The following CA10 variants were observed in gnomAD, a reference collection of about 807,000 sequenced individuals.
CA10 encodes carbonic anhydrase 10 (inactive).
A neutral mutation model predicts 44.2 loss-of-function variants in CA10; 14 were observed. The ratio of observed to expected loss-of-function variants is 0.32; its 90% CI spans 0.21 to 0.50. The LOEUF (loss-of-function observed/expected upper bound fraction) is 0.50. Among genes scored for constraint, CA10 ranks in the 20% least tolerant of loss-of-function variants. CA10 has a pLI of 0.99. For synonymous variants in CA10, 159 were observed against 141.6 expected, an observed-to-expected ratio of 1.12 and a Z score of -0.87; for missense variants, 350 against 409.7, an observed-to-expected ratio of 0.85 and a Z score of 1.26.
At chr17:52,040,827 G>A (rs1986747847) in intron 2 of CA10, among the ~76,000 whole-genome samples, 1 of 152,060 alleles carries the variant, frequency 6.6e-6, no homozygotes, top group Non-Finnish European at 1.5e-5. Context: ...GAAATGTGCA[G>A]ATGGGTCTTT....
At chr17:51,954,327 C>T (rs1983588371) in intron 2 of CA10, among the ~76,000 whole-genome samples, 1 of 152,142 alleles carries the variant, frequency 6.6e-6, no homozygotes. Context: ...TTTATGCCTC[C>T]CTTGAAATGC....
chr17:52,082,128 T>A (rs888677280), intron 1 of CA10, among the ~76,000 whole-genome samples: 3 of 152,230 alleles, frequency 2.0e-5, no homozygotes, highest in Non-Finnish European at 4.4e-5. Context: ...GTAGGTACAC[T>A]GGCACAGTGT....
chr17:51,912,806 T>C (rs913628357), intron 3 of CA10, among the ~76,000 whole-genome samples: 3 of 152,220 alleles, frequency 2.0e-5, no homozygotes, highest in Non-Finnish European at 4.4e-5. Flanking sequence ...ATATACTCCA[T>C]GCAGTACAAT....
intron 2 of CA10, among the ~76,000 whole-genome samples, chr17:51,957,546 A>G (rs1032102940): frequency 1.3e-5 from 2 of 152,116 alleles, no homozygotes; most frequent in African/African-American, 4.8e-5. Context: ...GGTGGATGCA[A>G]GTGAAGGCCA....
chr17:51,651,260 A>G (rs1254516669), intron 5 of CA10, among the ~76,000 whole-genome samples: 2 of 152,178 alleles, frequency 1.3e-5, no homozygotes, highest in Non-Finnish European at 2.9e-5. Flanking sequence ...AGCTTTGTTC[A>G]TCTTACTTCT....
At chr17:51,912,586 G>A (rs959452228) in intron 3 of CA10, among the ~76,000 whole-genome samples, 28 of 152,286 alleles carry the variant, frequency 1.8e-4, no homozygotes, top group African/African-American at 4.8e-4. Context: ...AAGCTAAAAC[G>A]TCCTAAGCCT....
intron 1 of CA10, among the ~76,000 whole-genome samples, chr17:52,156,654 T>C (rs1989810090): frequency 6.6e-6 from 1 of 152,196 alleles, no homozygotes; most frequent in Non-Finnish European, 1.5e-5. Flanking sequence ...TCCACCCCAG[T>C]GCTGCTTAAA....
intron 2 of CA10, among the ~76,000 whole-genome samples, chr17:51,956,640 C>T (rs1462676789): frequency 6.6e-6 from 1 of 152,082 alleles, no homozygotes; most frequent in Non-Finnish European, 1.5e-5. Flanking sequence ...TGGATTGATC[C>T]ATTAACTATG....
chr17:51,745,739 C>G (rs778318226), intron 4 of CA10, among the ~76,000 whole-genome samples: 24 of 152,158 alleles, frequency 1.6e-4, no homozygotes, highest in Non-Finnish European at 3.1e-4. Flanking sequence ...TAGTAAACAT[C>G]TACATTTTAT....
chr17:51,849,871 A>G (rs1978711844), intron 3 of CA10, among the ~76,000 whole-genome samples: 1 of 152,154 alleles, frequency 6.6e-6, no homozygotes, highest in Admixed American at 6.5e-5. Context: ...CTTTGCATGA[A>G]TACCCCATAA....
upstream of CA10, chr17:52,158,727 C>G (rs1458093315): frequency 6.6e-6 from 1 of 152,448 alleles, no homozygotes; most frequent in African/African-American, 2.4e-5. Flanking sequence ...CTGCAGGGGT[C>G]GTTATTTCCT....
At chr17:52,090,848 T>C (rs1988239557) in intron 1 of CA10, among the ~76,000 whole-genome samples, 2 of 152,168 alleles carry the variant, frequency 1.3e-5, no homozygotes, top group Admixed American at 1.3e-4. Flanking sequence ...CTATGTAGAT[T>C]ATCTGATGAT....
intron 4 of CA10, among the ~76,000 whole-genome samples, chr17:51,674,463 A>G (rs1914543510): frequency 6.6e-6 from 1 of 152,038 alleles, no homozygotes; most frequent in Non-Finnish European, 1.5e-5. Context: ...AGTTTTATTC[A>G]TTTCTTAACT....
intron 3 of CA10, among the ~76,000 whole-genome samples, chr17:51,817,247 T>C (rs1938327198): frequency 6.6e-6 from 1 of 152,182 alleles, no homozygotes; most frequent in African/African-American, 2.4e-5. Context: ...ACCATCCACA[T>C]GTTTTTGTAA....
chr17:51,783,203 C>A (rs1189579200), intron 3 of CA10, among the ~76,000 whole-genome samples: 1 of 152,020 alleles, frequency 6.6e-6, no homozygotes, highest in Non-Finnish European at 1.5e-5. Context: ...CAGGGTAATG[C>A]CCCCAAAGCA....
chr17:52,091,593 T>A (rs1280952636), intron 1 of CA10, among the ~76,000 whole-genome samples: 1 of 152,194 alleles, frequency 6.6e-6, no homozygotes, highest in Non-Finnish European at 1.5e-5. Flanking sequence ...ACATGTTAAA[T>A]CAGAGAAACC....
chr17:51,654,505 C>A (rs1913710478), intron 4 of CA10, among the ~76,000 whole-genome samples: 1 of 151,962 alleles, frequency 6.6e-6, no homozygotes, highest in South Asian at 2.1e-4. Flanking sequence ...TAAAATTCAT[C>A]ATCTCAGGGC....
At chr17:52,007,120 A>T (rs1401115682) in intron 2 of CA10, among the ~76,000 whole-genome samples, 1 of 151,658 alleles carries the variant, frequency 6.6e-6, no homozygotes, top group East Asian at 1.9e-4. Flanking sequence ...ATGTGCAATA[A>T]ACCTTTTAAA....
chr17:51,849,244 T>TGTGTGTATATATAC (rs1978675000), intron 3 of CA10, among the ~76,000 whole-genome samples: 2 of 127,170 alleles, frequency 1.6e-5, no homozygotes, highest in African/African-American at 6.1e-5. Flanking sequence ...TATATATATA[T>TGTGTGTATATATAC]ATATATATAT....
Sources: gnomAD v4.1 joint callset for allele counts (sites outside exome capture counted in the v4.1 genomes callset) on GRCh38, gnomAD v4.1.1 for gene constraint, MANE v1.5 for transcripts, NCBI Gene and HGNC (gene_info 2026-07-23, HGNC 2026-07-21) for gene names.